The following CUL9 variants were observed in gnomAD, a reference collection of about 807,000 sequenced individuals.
The protein encoded by CUL9 is cullin-9.
Under a neutral mutation model 272.6 loss-of-function variants are expected in CUL9, and 79 were observed. The observed-to-expected ratio is 0.29, with a 90% confidence interval of 0.24 to 0.35. The LOEUF is 0.35. Among genes scored for constraint, CUL9 ranks in the 10% least tolerant of loss-of-function variants. The pLI, the probability that CUL9 is intolerant of heterozygous loss-of-function variation, is 1.00. For missense variants in CUL9, 2,532 were observed against 3,255.6 expected (o/e 0.78, Z 5.41); for synonymous variants, 1,186 against 1,286.5 (o/e 0.92, Z 1.67).
intron 16 of CUL9, among the ~76,000 whole-genome samples, chr6:43,202,138 G>A (rs1351337358): frequency 1.3e-5 from 2 of 152,190 alleles, no homozygotes; most frequent in African/African-American, 4.8e-5. Flanking sequence ...GAAGGTGAAG[G>A]CCTCAGTGAC....
chr6:43,185,749 C>T, intron 3 of CUL9, 139 bp downstream of exon 3: 2 of 1,188,844 alleles, frequency 1.7e-6, no homozygotes, highest in Non-Finnish European at 2.3e-6. Flanking sequence ...CCTCCCAGCC[C>T]CTCTCCATTC....
In CUL9 at chr6:43,223,967, G is replaced by A. The variant is rs1294019046; in HGVS notation, c.7285-128G>A. ...ACTCACAAAGGCAGTGTTTCATGAA[G>A]TGCTGTGCTGGGAGGGGAGCAGTCC... On this transcript the variant is annotated intron_variant, in intron 39 of 40. Coordinates refer to ENST00000252050, the MANE Select transcript of CUL9 (RefSeq NM_015089.4). The surrounding 1 kb of genome is among the most constrained non-coding windows in gnomAD (Gnocchi z 4.1). The A allele has an allele frequency of 2.8e-5, 24 of 858,202 alleles. No homozygotes were observed. The highest frequency in any genetic ancestry group is 4.2e-5 in the Non-Finnish European group (21 of 505,960). 53.2% of individuals were successfully genotyped at this position (858,202 alleles called of 1,614,324 possible).
chr6:43,216,118 G>C, intron 30 of CUL9, 40 bp from the exon 31 acceptor site: 1 of 1,563,604 alleles, frequency 6.4e-7, no homozygotes, highest in Non-Finnish European at 8.7e-7. Context: ...CTGGATAGCA[G>C]GGCAGGAATA....
chr6:43,220,632 C>G lies in CUL9; in HGVS notation c.6423+33C>G. 6.2e-7 allele frequency: 1 copy of G among 1,612,370 alleles called. No individual in the cohort carries two copies. Among genetic ancestry groups the G allele is most frequent in the Non-Finnish European group, 8.5e-7 (1 of 1,179,050 alleles). On this transcript the variant is annotated intron_variant, in intron 32 of 40. Transcript: ENST00000252050. This position sits in a 1 kb window ranked among gnomAD's most constrained non-coding sequence, Gnocchi z 4.9. ...CTCTCGTCTGAGAGAGGCTCCAGTG[C>G]AGAGCCAAAGGAGTGTGCCCCAGGG... is the stretch of plus-strand genomic sequence containing the variant.
rs191048669 is a variant in CUL9 at position 43,214,631 on chromosome 6, T to C, written c.5689-448T>C. On this transcript the variant is annotated intron_variant, in intron 29 of 40. Coordinates refer to ENST00000252050, the MANE Select transcript of CUL9 (RefSeq NM_015089.4). ...GCCTGGCCAATATGATGAAACCCCATCTCTACTAAAAATACAAAAATTAGC... is the reference window on the plus strand; with the variant it reads ...GCCTGGCCAATATGATGAAACCCCACCTCTACTAAAAATACAAAAATTAGC... Among the ~76,000 whole-genome samples, 600 of 151,924 alleles carry C rather than the reference T, an allele frequency of 3.9e-3. 5 individuals are homozygous for C. Among genetic ancestry groups the C allele is most frequent in the African/African-American group, 0.013 (549 of 41,402 alleles).
rs149282106 is a variant in CUL9, at chr6:43,213,304, C to T, written c.5358+10C>T. The T allele has an allele frequency of 1.6e-4, 265 of 1,613,472 alleles. No individual in the cohort carries two copies. Among genetic ancestry groups the T allele is most frequent in the Admixed American group, 4.2e-4 (25 of 59,986 alleles). On this transcript the variant is annotated intron_variant, in intron 27 of 40. Coordinates refer to ENST00000252050, the MANE Select transcript of CUL9 (RefSeq NM_015089.4). The surrounding 1 kb of genome is among the most constrained non-coding windows in gnomAD (Gnocchi z 5.7). ...ATTCAATCAGACAGAGGTGCTTCAG[C>T]CCTTAGCCTCTCTCTGCCTTCTCTG...
At position 43,224,341 on chromosome 6, in the gene CUL9, G is replaced by A; in HGVS notation, c.7450G>A (p.Glu2484Lys). 1 of 1,614,208 alleles carries A rather than the reference G, an allele frequency of 6.2e-7. No homozygotes were observed. Among genetic ancestry groups the A allele is most frequent in the Non-Finnish European group, 8.5e-7 (1 of 1,180,022 alleles). Residue 2484 changes from glutamate (E) to lysine (K), a missense_variant, in exon 41 of 41, where the codon GAG becomes AAG. By Grantham distance (56) the Glu-to-Lys change is moderately conservative. Around this residue, in one of 3 missense-constraint regions of CUL9, gnomAD observed 237 missense variants for 305.9 expected, o/e 0.77. Coordinates refer to ENST00000252050, the MANE Select transcript of CUL9 (RefSeq NM_015089.4). The surrounding 1 kb of genome is among the most constrained non-coding windows in gnomAD (Gnocchi z 4.2). ...PEWQQDEFDEELDNDSFSYDE... is the reference protein window; with the variant it reads ...PEWQQDEFDEKLDNDSFSYDE... ...GTGGCAGCAGGATGAGTTTGATGAG[G>A]AGCTGGACAATGACAGCTTCTCCTA... is the stretch of plus-strand genomic sequence containing the variant.
Position 43,223,526 on chromosome 6 carries a change from ACCTGGGC to A in CUL9, c.7284+130_7284+136del. 7.7e-7 allele frequency: 1 copy of A among 1,291,958 alleles called. No individual in the cohort carries two copies. The highest frequency in any genetic ancestry group is 1.0e-6 in the Non-Finnish European group (1 of 954,820). The allele number at this position is 1,291,958 out of a possible 1,614,324, so 80.0% of individuals were successfully genotyped here. A position where few individuals can be genotyped will look rare whatever the true frequency, so the allele number is the denominator to read the frequency against. ...AGCAAAGCGGGTGAATGGATGTTAG[ACCTGGGC>A]GCACATCCCGGCTTTTGGGCCAACC... On this transcript the variant is annotated intron_variant, in intron 39 of 40. Coordinates refer to ENST00000252050, the MANE Select transcript of CUL9 (RefSeq NM_015089.4). This position sits in a 1 kb window ranked among gnomAD's most constrained non-coding sequence, Gnocchi z 4.1.
rs1582292988 is a variant in CUL9 at position 43,188,129 on chromosome 6, T to G, written c.1987+11T>G. The G allele has an allele frequency of 1.9e-6, 3 of 1,612,928 alleles. No individual in the cohort carries two copies. The highest frequency in any genetic ancestry group is 2.5e-6 in the Non-Finnish European group (3 of 1,179,916). Reference sequence around the variant, plus strand: ...AGGAGGCAGCCAGTGGTGAGTCAGGTTCTGGGAGGAAGCAATTGGAACAAG... The same window carrying G: ...AGGAGGCAGCCAGTGGTGAGTCAGGGTCTGGGAGGAAGCAATTGGAACAAG... On this transcript the variant is annotated intron_variant, in intron 7 of 40. Coordinates refer to ENST00000252050, the MANE Select transcript of CUL9 (RefSeq NM_015089.4).
rs751206681 is a variant in CUL9, at chr6:43,216,389, C to T, written c.6168C>T (p.Cys2056=). 19 of 1,613,960 alleles carry T rather than the reference C, an allele frequency of 1.2e-5. No individual in the cohort carries two copies. The East Asian group carries it at 1.3e-4, about 11-fold the overall frequency. The stretch of plus-strand genomic sequence containing the variant: ...CACTGCTGCTGGCAGCTGGGCTGTG[C>T]GTACACCAGGCTCAGGCTGTACCCG... The part of the protein sequence containing the change: ...PEPLLLAAGL[C]VHQAQAVPVR... Residue 2056 remains cysteine, a synonymous_variant, in exon 31 of 41, where the codon TGC becomes TGT. Coordinates refer to ENST00000252050, the MANE Select transcript of CUL9 (RefSeq NM_015089.4).
In CUL9 at chr6:43,196,846, C is replaced by T; in HGVS notation, c.2787C>T (p.Gly929=). 1 of 1,614,100 alleles carries T rather than the reference C, an allele frequency of 6.2e-7. No individual in the cohort carries two copies. Among genetic ancestry groups the T allele is most frequent in the African/African-American group, 1.3e-5 (1 of 75,042 alleles). ...MLLNRYSEPP[G]SPERAALETP... ...TCAATCGCTACTCAGAGCCGCCGGG[C>T]AGCCCTGAGCGTGCAGGTACCATTG... is the stretch of plus-strand genomic sequence containing the variant. The change falls in exon 11 of 41, where the codon GGC becomes GGT. Residue 929 remains glycine (G), a synonymous_variant. Transcript: ENST00000252050.
rs779696859 is a variant in CUL9, at chr6:43,206,655, T to C, written c.5212+145T>C. ...GGATGAGAAAGCATGGGTTGTAGTT[T>C]CATTAATTTCTGCTCTCATCAGTTT... On this transcript the variant is annotated intron_variant, in intron 26 of 40. Transcript: ENST00000252050. This position sits in a 1 kb window ranked among gnomAD's most constrained non-coding sequence, Gnocchi z 4.8. 16 of 665,156 alleles carry C rather than the reference T, an allele frequency of 2.4e-5. No homozygotes were observed. The Admixed American group carries it at 2.7e-4, about 11-fold the overall frequency. 41.2% of individuals were successfully genotyped at this position (665,156 alleles called of 1,614,324 possible).
In CUL9 at chr6:43,185,445, A is replaced by G. The variant is rs372291127; in HGVS notation, c.596-11A>G. ...ATTGAGGAGAAGATATGGATTGGGTATGGATTACAGGGAGTCGGGCTCACG... is the reference window on the plus strand; with the variant it reads ...ATTGAGGAGAAGATATGGATTGGGTGTGGATTACAGGGAGTCGGGCTCACG... On this transcript the variant is annotated splice_polypyrimidine_tract_variant and intron_variant, in intron 2 of 40. Coordinates refer to ENST00000252050, the MANE Select transcript of CUL9 (RefSeq NM_015089.4). 9.9e-6 allele frequency: 16 copies of G among 1,612,400 alleles called. No individual in the cohort carries two copies. In the East Asian group the frequency reaches 2.0e-4, roughly 20 times the overall value.
intron 4 of CUL9, 74 bp from the exon 5 acceptor site, chr6:43,186,886 C>T: frequency 6.4e-7 from 1 of 1,555,634 alleles, no homozygotes; most frequent in South Asian, 1.2e-5. Flanking sequence ...CATGTCCTTT[C>T]AAGCCTTCAC....
Position 43,199,811 on chromosome 6 carries a change from G to T in CUL9, c.3157-118G>T. Reference sequence around the variant, plus strand: ...GAATTTGGTACTCTTGTTTCCCTGGGCGTTGGCATGTCTCCACAATCTCAG... The same window carrying T: ...GAATTTGGTACTCTTGTTTCCCTGGTCGTTGGCATGTCTCCACAATCTCAG... On this transcript the variant is annotated intron_variant, in intron 13 of 40. Coordinates refer to ENST00000252050, the MANE Select transcript of CUL9 (RefSeq NM_015089.4). The surrounding 1 kb of genome is among the most constrained non-coding windows in gnomAD (Gnocchi z 4.4). 1.3e-6 allele frequency: 1 copy of T among 791,686 alleles called. No homozygotes were observed. The highest frequency in any genetic ancestry group is 1.6e-5 in the South Asian group (1 of 63,200). The allele number at this position is 791,686 out of a possible 1,614,324, so 49.0% of individuals were successfully genotyped here. A position where few individuals can be genotyped will look rare whatever the true frequency, so the allele number is the denominator to read the frequency against.
rs185188911 is a variant in CUL9 at position 43,199,163 on chromosome 6, C to T, written c.3051-103C>T. 5.2e-4 allele frequency: 510 copies of T among 973,616 alleles called. 2 individuals carry two copies. In the East Asian group the frequency reaches 8.5e-3, roughly 16 times the overall value. The allele number at this position is 973,616 out of a possible 1,614,324, so 60.3% of individuals were successfully genotyped here. A position where few individuals can be genotyped will look rare whatever the true frequency, so the allele number is the denominator to read the frequency against. On this transcript the variant is annotated intron_variant, in intron 12 of 40. Coordinates refer to ENST00000252050, the MANE Select transcript of CUL9 (RefSeq NM_015089.4). This position sits in a 1 kb window ranked among gnomAD's most constrained non-coding sequence, Gnocchi z 4.4. The stretch of plus-strand genomic sequence containing the variant: ...TTTGGTCAGGCTGGTCTCGAACTCC[C>T]GACCTCAGGTGATCCGCCCACTTCG...
chr6:43,185,673 G>C (rs1391177728), intron 3 of CUL9, 63 bp downstream of exon 3: 2 of 1,539,506 alleles, frequency 1.3e-6, no homozygotes, highest in East Asian at 4.6e-5. Flanking sequence ...ATGAAAACGT[G>C]GTTCAGGACT....
At chr6:43,191,899 A>C (rs1284145771) in intron 8 of CUL9, among the ~76,000 whole-genome samples, 1 of 150,018 alleles carries the variant, frequency 6.7e-6, no homozygotes, top group African/African-American at 2.5e-5. Context: ...TTATATTTTA[A>C]ATGGTTCTTC....
Position 43,223,068 on chromosome 6 carries a change from A to G in CUL9, c.7150+172A>G, listed in dbSNP as rs1049487265. On this transcript the variant is annotated intron_variant, in intron 38 of 40. Coordinates refer to ENST00000252050, the MANE Select transcript of CUL9 (RefSeq NM_015089.4). This position sits in a 1 kb window ranked among gnomAD's most constrained non-coding sequence, Gnocchi z 4.1. ...GTTAAAGCTCAGGTCGAAAGCCTAC[A>G]TTGTAAGGTGCCCAAGGGCGCAGAT... The G allele has an allele frequency of 8.6e-6, 8 of 926,164 alleles. No individual in the cohort carries two copies. Among genetic ancestry groups the G allele is most frequent in the Non-Finnish European group, 1.1e-5 (7 of 616,738 alleles). The allele number at this position is 926,164 out of a possible 1,614,324, so 57.4% of individuals were successfully genotyped here. A position where few individuals can be genotyped will look rare whatever the true frequency, so the allele number is the denominator to read the frequency against.
Sources: gnomAD v4.1 joint callset for allele counts (sites outside exome capture counted in the v4.1 genomes callset) on GRCh38, gnomAD v4.1.1 for gene constraint, gnomAD v4.1.1 regional missense constraint, Gnocchi (gnomAD v3.1) non-coding constraint, MANE v1.5 for transcripts, NCBI Gene and HGNC (gene_info 2026-07-23, HGNC 2026-07-21) for gene names.